The following TRPA1 variants were observed in gnomAD, a reference collection of about 807,000 sequenced individuals.
TRPA1 encodes the protein ankyrin-like with transmembrane domains 1.
In TRPA1, 129 loss-of-function variants were observed where a neutral mutation model predicts 131.3. The ratio of observed to expected loss-of-function variants is 0.98; its 90% confidence interval spans 0.85 to 1.14. TRPA1 has a LOEUF of 1.14. TRPA1 is among the 50% of genes most tolerant of loss of function. The pLI is 0.00. For synonymous variants in TRPA1, 441 were observed against 451.7 expected (o/e 0.98, Z 0.30); for missense variants, 1,304 against 1,354.2 (o/e 0.96, Z 0.58).
intron 23 of TRPA1, among the ~76,000 whole-genome samples, chr8:72,031,458 G>A (rs774942243): frequency 1.3e-5 from 2 of 151,586 alleles, no homozygotes; most frequent in Admixed American, 6.6e-5. Context: ...AGCACCTGTA[G>A]TTACAGCTTC....
At chr8:72,068,868 T>C (rs1805989279) in intron 3 of TRPA1, among the ~76,000 whole-genome samples, 155 bp downstream of exon 3, 1 of 152,196 alleles carries the variant, frequency 6.6e-6, no homozygotes, top group Non-Finnish European at 1.5e-5. Context: ...ATCATCATCA[T>C]TAGTTAGTGA....
In TRPA1 at chr8:72,038,972, G is replaced by A. The variant is rs763119141; in HGVS notation, c.2188C>T (p.Leu730Phe). The A allele has an allele frequency of 3.1e-6, 5 of 1,612,888 alleles. No homozygotes were observed. Among genetic ancestry groups the A allele is most frequent in the Middle Eastern group, 1.6e-4 (1 of 6,074 alleles). ...ACAACGAGAATGGTCATAGGTATGAGACCAAGACAGTAAGATCCTAAATTC... is the reference window on the plus strand; with the variant it reads ...ACAACGAGAATGGTCATAGGTATGAAACCAAGACAGTAAGATCCTAAATTC... The part of the protein sequence containing the change: ...MMNLGSYCLG[L>F]IPMTILVVNI... Residue 730 changes from leucine (L) to phenylalanine (F), a missense_variant, in exon 19 of 27, where the codon CTC becomes TTC. Transcript: ENST00000262209.
At chr8:72,049,396 C>A (rs13273179) in intron 15 of TRPA1, among the ~76,000 whole-genome samples, 1 of 152,032 alleles carries the variant, frequency 6.6e-6, no homozygotes, top group Non-Finnish European at 1.5e-5. Flanking sequence ...AAGGCAGCAC[C>A]AGGATTAAAT....
At chr8:72,056,814 T>A in intron 10 of TRPA1, 103 bp downstream of exon 10, 2 of 818,812 alleles carry the variant, frequency 2.4e-6, no homozygotes, top group East Asian at 5.4e-5. Context: ...ATTTTTAAAA[T>A]TCCAGAATCA....
rs767601431 is a variant in TRPA1, at chr8:72,075,381, C to A, written c.29G>T (p.Arg10Leu). Residue 10 changes from arginine to leucine, a missense_variant, in exon 1 of 27, where the codon CGC becomes CTC. Arg to Leu is a moderately radical substitution (Grantham distance 102). Transcript: ENST00000262209. MKRSLRKMW[R>L]PGEKKEPQGV... The stretch of plus-strand genomic sequence containing the variant: ...CTGGGGCTCCTTCTTTTCTCCAGGG[C>A]GCCACATCTTCCTCAGGCTGCGCTT... 1.9e-6 allele frequency: 3 copies of A among 1,610,710 alleles called. No individual in the cohort carries two copies. In the Admixed American group the frequency reaches 5.0e-5, roughly 27 times the overall value.
chr8:72,024,030 C>T, intron 25 of TRPA1, 119 bp from the exon 26 acceptor site: 1 of 685,074 alleles, frequency 1.5e-6, no homozygotes, highest in Admixed American at 2.2e-5. Context: ...GCTATGCCCT[C>T]AAGGAACCCA....
Position 72,055,525 on chromosome 8 carries a change from A to G in TRPA1, c.1440T>C (p.Leu480=). ...CCAGATGGAGAGGAGTCATTCCATG[A>G]AGGTCACCTTCATTCAGAAGCCTCG... ...SDTRLLNEGD[L]HGMTPLHLAA... is the part of the protein sequence containing the mutation. Residue 480 remains leucine, a synonymous_variant, in exon 12 of 27, where the codon CTT becomes CTC. Transcript: ENST00000262209. The G allele has an allele frequency of 6.2e-7, 1 of 1,613,628 alleles. No homozygotes were observed. Among genetic ancestry groups the G allele is most frequent in the Non-Finnish European group, 8.5e-7 (1 of 1,179,664 alleles).
chr8:72,032,492 C>T (rs1176920614), intron 23 of TRPA1, among the ~76,000 whole-genome samples: 4 of 152,194 alleles, frequency 2.6e-5, no homozygotes, highest in African/African-American at 4.8e-5. Flanking sequence ...GGAGATTCTA[C>T]TGAGAGGCAG....
chr8:72,064,651 T>A (rs1805887611), intron 4 of TRPA1, among the ~76,000 whole-genome samples: 1 of 152,214 alleles, frequency 6.6e-6, no homozygotes, highest in Admixed American at 6.5e-5. Flanking sequence ...AAACATTAGG[T>A]AAATATTTTT....
the TRPA1 span, among the ~76,000 whole-genome samples, chr8:72,083,339 G>A: frequency 6.6e-6 from 1 of 151,852 alleles, no homozygotes; most frequent in Non-Finnish European, 1.5e-5. Flanking sequence ...TCTGAGTATG[G>A]GCTACACTGA....
At chr8:72,084,980 G>A in the TRPA1 span, among the ~76,000 whole-genome samples, 1 of 151,944 alleles carries the variant, frequency 6.6e-6, no homozygotes, top group Non-Finnish European at 1.5e-5. Flanking sequence ...AATCACTTTT[G>A]TTGTCTCATC....
At chr8:72,071,970 A>G (rs748187364) in intron 1 of TRPA1, 103 bp from the exon 2 acceptor site, 39 of 1,045,650 alleles carry the variant, frequency 3.7e-5, no homozygotes, top group African/African-American at 4.8e-5. Flanking sequence ...AAAACTATCT[A>G]TCATGCTTAT....
chr8:72,086,446 T>C, the TRPA1 span, among the ~76,000 whole-genome samples: 2 of 152,222 alleles, frequency 1.3e-5, no homozygotes, highest in Non-Finnish European at 2.9e-5. Context: ...AGAGGTGGTA[T>C]GTTGGTACTA....
At chr8:72,054,252 A>AT (rs1200697982) in intron 12 of TRPA1, 1 of 258,386 alleles carries the variant, frequency 3.9e-6, no homozygotes. Context: ...CTGTATCAAA[A>AT]TTTTTTTATG....
At chr8:72,075,859 A>AGTGTGTGTGT (rs61575164), upstream of TRPA1, among the ~76,000 whole-genome samples, 772 of 135,072 alleles carry the variant, frequency 5.7e-3, 5 homozygotes, top group Middle Eastern at 0.016. Flanking sequence ...CTTGCATGTG[A>AGTGTGTGTGT]GTGTGTGTGT....
chr8:72,051,018 C>A, intron 14 of TRPA1, 147 bp from the exon 15 acceptor site: 2 of 644,706 alleles, frequency 3.1e-6, no homozygotes, highest in Non-Finnish European at 2.7e-6. Flanking sequence ...CCAATGGAAC[C>A]AACATGTAAA....
intron 4 of TRPA1, among the ~76,000 whole-genome samples, chr8:72,065,221 C>A (rs1235244787): frequency 2.6e-5 from 4 of 152,130 alleles, no homozygotes; most frequent in African/African-American, 9.7e-5. Flanking sequence ...CTTTGATTTT[C>A]TCGAAATTTT....
Position 72,038,936 on chromosome 8 carries a change from G to C in TRPA1, c.2224C>G (p.Pro742Ala). Residue 742 changes from proline to alanine, a missense_variant, in exon 19 of 27, where the codon CCA becomes GCA. Transcript: ENST00000262209. ...PMTILVVNIK[P>A]GMAFNSTGII... ...CCAGTTGAGTTGAAAGCCATTCCTG[G>C]TTTTATATTGACAACGAGAATGGTC... 6.2e-7 allele frequency: 1 copy of C among 1,612,890 alleles called. No homozygotes were observed. Among genetic ancestry groups the C allele is most frequent in the Non-Finnish European group, 8.5e-7 (1 of 1,179,376 alleles).
intron 17 of TRPA1, among the ~76,000 whole-genome samples, chr8:72,042,881 A>G (rs971202509): frequency 6.6e-6 from 1 of 151,874 alleles, no homozygotes; most frequent in East Asian, 1.9e-4. Flanking sequence ...AACAAAAAGT[A>G]GAAGGGTGGT....
Sources: allele counts gnomAD v4.1 joint callset (sites outside exome capture counted in the v4.1 genomes callset), GRCh38; gene constraint gnomAD v4.1.1; transcripts MANE v1.5; gene names NCBI Gene and HGNC (gene_info 2026-07-23, HGNC 2026-07-21).